NBPF12: variants seen among roughly 807,000 people sequenced by gnomAD.
The protein encoded by NBPF12 is NBPF family member NBPF12.
Under a neutral mutation model 146.4 loss-of-function variants are expected in NBPF12, and 115 were observed. The ratio of observed to expected loss-of-function variants is 0.79; its 90% confidence interval spans 0.68 to 0.92. NBPF12 has a LOEUF of 0.92. Among genes scored for constraint, NBPF12 ranks in the 40% least tolerant of loss-of-function variants. The pLI, the probability that NBPF12 is intolerant of heterozygous loss-of-function variation, is 0.00. For synonymous variants in NBPF12, 385 were observed against 508.9 expected (o/e 0.76, Z 3.28); for missense variants, 1,205 against 1,326.8 (o/e 0.91, Z 1.43).
At position 146,973,031 on chromosome 1, in the gene NBPF12, C is replaced by T; in HGVS notation, c.1801+71C>T. On this transcript the variant is annotated intron_variant, in intron 14 of 33. Transcript: ENST00000617844. ...TGTCTTCTCTCTGAGAAACTAAGTG[C>T]TCTCTCCATCAAAAATAATGTCATC... 3.8e-6 allele frequency: 3 copies of T among 785,396 alleles called. No individual in the cohort carries two copies. In the South Asian group the frequency reaches 4.0e-5, roughly 11 times the overall value. The allele number at this position is 785,396 out of a possible 1,614,324, so 48.7% of individuals were successfully genotyped here.
chr1:146,960,232 A>G, exon 4 of NBPF12: 4 of 1,292,618 alleles, frequency 3.1e-6, no homozygotes, highest in Non-Finnish European at 4.4e-6. Context: ...CAGTTGGCAG[A>G]GAACAAACAG....
chr1:146,972,748 C>G lies in NBPF12; in HGVS notation c.1592-3C>G. On this transcript the variant is annotated splice_polypyrimidine_tract_variant and splice_region_variant and intron_variant, in intron 13 of 33. Coordinates refer to ENST00000617844, the Ensembl canonical transcript of NBPF12. ...ATCATGTGTTTGCCTTTCTTCTCCC[C>G]AGTCCCTGGCCCCACCTCTTCTGCC... The G allele has an allele frequency of 7.6e-7, 1 of 1,316,318 alleles. No individual in the cohort carries two copies. The highest frequency in any genetic ancestry group is 1.1e-6 in the Non-Finnish European group (1 of 911,658). The allele number at this position is 1,316,318 out of a possible 1,614,324, so 81.5% of individuals were successfully genotyped here. A position where few individuals can be genotyped will look rare whatever the true frequency, so the allele number is the denominator to read the frequency against.
At chr1:146,964,866 T>G (rs1553885352) in intron 7 of NBPF12, 27 bp from the exon 11 acceptor site, 13 of 1,544,638 alleles carry the variant, frequency 8.4e-6, no homozygotes, top group Non-Finnish European at 1.1e-5. Context: ...TAATCTTCTG[T>G]CATCTCTGTC....
intron 23 of NBPF12, among the ~76,000 whole-genome samples, chr1:146,986,094 C>T (rs1243635029): frequency 0.13 from 19,505 of 146,924 alleles, 2,022 homozygotes; most frequent in Admixed American, 0.26. Context: ...CCTTTGACCC[C>T]TTCATCAGTG....
intron 5 of NBPF12, among the ~76,000 whole-genome samples, 165 bp from the exon 9 acceptor site, chr1:146,962,930 C>A (rs1453360233): frequency 2.0e-4 from 31 of 151,388 alleles, no homozygotes; most frequent in African/African-American, 7.1e-4. Flanking sequence ...AGCCTGTAGA[C>A]CATTTTCTGT....
At chr1:146,984,302 A>G (rs1657574668) in intron 21 of NBPF12, 117 bp downstream of exon 24, 3 of 779,864 alleles carry the variant, frequency 3.8e-6, no homozygotes, top group Non-Finnish European at 6.9e-6. Context: ...AGTCTGAATT[A>G]TGCCTACTGC....
At chr1:146,939,152 G>A (rs1654676144) in intron 1 of NBPF12, among the ~76,000 whole-genome samples, 140 bp downstream of exon 1, 3 of 151,998 alleles carry the variant, frequency 2.0e-5, no homozygotes, top group Non-Finnish European at 2.9e-5. Context: ...AGTTCCCTGC[G>A]CTTGATTCCT....
At chr1:146,976,655 C>G (rs1461919475) in intron 16 of NBPF12, among the ~76,000 whole-genome samples, 1 of 151,510 alleles carries the variant, frequency 6.6e-6, no homozygotes, top group South Asian at 2.1e-4. Context: ...CTGCCAAAGT[C>G]CAGAGAGAGG....
intron 19 of NBPF12, among the ~76,000 whole-genome samples, chr1:146,980,210 C>T (rs1162593035): frequency 6.6e-6 from 1 of 152,014 alleles, no homozygotes; most frequent in African/African-American, 2.4e-5. Context: ...ATGTGTGTCT[C>T]TGCATGTGAG....
Position 146,966,335 on chromosome 1 carries a change from A to G in NBPF12, c.779-129A>G, listed in dbSNP as rs1249209508. The G allele has an allele frequency of 3.9e-3, 3,370 of 855,010 alleles. 18 individuals are homozygous for G. Among genetic ancestry groups the G allele is most frequent in the Non-Finnish European group, 5.5e-3 (2,734 of 496,234 alleles). The allele number at this position is 855,010 out of a possible 1,614,324, so 53.0% of individuals were successfully genotyped here. Reference sequence around the variant, plus strand: ...GGAGATCAAGACTGGAGATGACAAGAGTGAAACCAGGGAAACATCATCTTC... The same window carrying G: ...GGAGATCAAGACTGGAGATGACAAGGGTGAAACCAGGGAAACATCATCTTC... On this transcript the variant is annotated intron_variant, in intron 8 of 33. Transcript: ENST00000617844.
chr1:146,960,043 C>A, intron 3 of NBPF12, 37 bp downstream of exon 6: 2 of 460,606 alleles, frequency 4.3e-6, no homozygotes, highest in Non-Finnish European at 7.3e-6. Flanking sequence ...ATCCCTCAGT[C>A]CTGATTAAAC....
chr1:146,972,688 G>A, intron 13 of NBPF12, 63 bp from the exon 17 acceptor site: 1 of 1,308,390 alleles, frequency 7.6e-7, no homozygotes, highest in Non-Finnish European at 1.1e-6. Flanking sequence ...CCTCAGTCCT[G>A]ATTAAGCCTA....
chr1:146,941,838 C>G (rs1654822406), intron 1 of NBPF12, among the ~76,000 whole-genome samples: 1 of 145,244 alleles, frequency 6.9e-6, no homozygotes, highest in Non-Finnish European at 1.5e-5. Context: ...CTATATTAAC[C>G]TTATAGCAAT....
chr1:146,959,141 AAC>A (rs1304442431), intron 2 of NBPF12, among the ~76,000 whole-genome samples: 5 of 100,022 alleles, frequency 5.0e-5, no homozygotes, highest in Admixed American at 2.1e-4. Context: ...ACAAGGGAAA[AAC>A]ACAATCAAAC....
At chr1:146,981,047 G>T (rs1332520058) in intron 19 of NBPF12, among the ~76,000 whole-genome samples, 3 of 137,258 alleles carry the variant, frequency 2.2e-5, no homozygotes, top group Non-Finnish European at 4.6e-5. Flanking sequence ...ACCAAATACC[G>T]CATGTTCTTA....
chr1:146,992,593 A>G (rs1200564690), intron 31 of NBPF12, 119 bp from the exon 35 acceptor site: 1 of 689,350 alleles, frequency 1.5e-6, no homozygotes, highest in Non-Finnish European at 2.6e-6. Flanking sequence ...TTACCTCATT[A>G]ATGGATCTAT....
intron 14 of NBPF12, among the ~76,000 whole-genome samples, chr1:146,973,460 T>C (rs1460154928): frequency 6.7e-6 from 1 of 150,356 alleles, no homozygotes; most frequent in African/African-American, 2.5e-5. Flanking sequence ...CTGCTCCTAA[T>C]AGAACCTGTG....
chr1:146,981,113 C>T (rs1657343943), intron 19 of NBPF12, among the ~76,000 whole-genome samples: 1 of 120,598 alleles, frequency 8.3e-6, no homozygotes, highest in East Asian at 2.6e-4. Flanking sequence ...GGGAACATCA[C>T]ACACTGGGGC....
In NBPF12 at chr1:146,971,388, C is replaced by T. The variant is rs1553886436; in HGVS notation, c.1585C>T (p.Leu529Phe). The T allele has an allele frequency of 4.3e-6, 7 of 1,610,154 alleles. No homozygotes were observed. The African/African-American group carries it at 8.2e-5, about 19-fold the overall frequency. The change falls in exon 13 of 34, where the codon CTC (leucine) becomes TTC (phenylalanine). Residue 529 changes from leucine (L) to phenylalanine (F), a missense_variant. Coordinates refer to ENST00000617844, the Ensembl canonical transcript of NBPF12. ...TGAATGTCAGGATGCTCTAAACATT[C>T]TCCCAGGTAGCCTCTATTTTCCTTG...
Sources: allele counts gnomAD v4.1 joint callset (sites outside exome capture counted in the v4.1 genomes callset), GRCh38; gene constraint gnomAD v4.1.1; transcripts MANE v1.5; gene names NCBI Gene and HGNC (gene_info 2026-07-23, HGNC 2026-07-21).